Variants in DMD observed in about 807,000 individuals in gnomAD.
DMD encodes the protein dystrophin.
In DMD, 63 loss-of-function variants were observed where a neutral mutation model predicts 330.1. The observed-to-expected ratio is 0.19, with a 90% CI of 0.16 to 0.24. The LOEUF (loss-of-function observed/expected upper bound fraction) is 0.24, where lower values mean the gene tolerates loss of function less well. Ranked by LOEUF, DMD falls within the 10% of genes least tolerant of loss-of-function variation. The pLI is 1.00. For missense variants in DMD, 3,344 were observed against 2,684.1 expected (o/e 1.25, Z -5.43); for synonymous variants, 1,223 against 959.8 (o/e 1.27, Z -5.07).
At chrX:31,364,923 G>A (rs1404695758) in intron 60 of DMD, among the ~76,000 whole-genome samples, 1 of 109,450 alleles carries the variant, frequency 9.1e-6, no homozygotes, top group Non-Finnish European at 1.9e-5. Context: ...GTGAAACCCC[G>A]TCTGTACTAA....
chrX:32,983,217 TC>T (rs2092750900), intron 2 of DMD, among the ~76,000 whole-genome samples: 1 of 110,677 alleles, frequency 9.0e-6, no homozygotes, highest in Non-Finnish European at 1.9e-5. Flanking sequence ...TCCTAGTGAC[TC>T]CCCTAGAGAA....
chrX:31,814,429 G>A (rs1282443424), intron 50 of DMD, among the ~76,000 whole-genome samples: 1 of 88,877 alleles, frequency 1.1e-5, no homozygotes, highest in East Asian at 4.0e-4. Context: ...CTTGCAGTGA[G>A]CCGAGATCGC....
intron 1 of DMD, among the ~76,000 whole-genome samples, chrX:33,285,169 T>C (rs1337189833): frequency 2.7e-5 from 3 of 111,821 alleles, no homozygotes; most frequent in Non-Finnish European, 5.6e-5. Context: ...TCAATTACCT[T>C]TTTTCTCAAC....
At chrX:32,931,057 T>C (rs2089547180) in intron 2 of DMD, among the ~76,000 whole-genome samples, 2 of 108,483 alleles carry the variant, frequency 1.8e-5, no homozygotes, top group African/African-American at 3.3e-5. Context: ...TTCATATATG[T>C]TAAATTATGC....
intron 2 of DMD, among the ~76,000 whole-genome samples, chrX:32,894,135 A>G (rs1456686641): frequency 1.8e-5 from 2 of 112,094 alleles, no homozygotes; most frequent in East Asian, 5.6e-4. Context: ...AAAACCATTA[A>G]GTTGGAGGTA....
intron 1 of DMD, among the ~76,000 whole-genome samples, chrX:33,093,020 C>T (rs2095106554): frequency 9.0e-6 from 1 of 110,709 alleles, no homozygotes; most frequent in Non-Finnish European, 1.9e-5. Context: ...ATTATAGGTG[C>T]CCGCCACCAC....
In DMD at chrX:31,810,681, T is replaced by C. The variant is rs189140670; in HGVS notation, c.7309+9294A>G. Among the ~76,000 whole-genome samples, 302 of 112,471 alleles carry C rather than the reference T, an allele frequency of 2.7e-3. 1 individual carries two copies. The highest frequency in any genetic ancestry group is 3.6e-3 in the Non-Finnish European group (194 of 53,282). The stretch of plus-strand genomic sequence containing the variant: ...ATCGACAATTGAAGTACAAAACTGC[T>C]ACAATTTCCTTTCGAAATCTTGTTT... On this transcript the variant is annotated intron_variant, in intron 50 of 78. Transcript: ENST00000357033.
intron 2 of DMD, among the ~76,000 whole-genome samples, chrX:32,888,905 G>A (rs1000934256): frequency 9.1e-6 from 1 of 110,365 alleles, no homozygotes; most frequent in Non-Finnish European, 1.9e-5. Flanking sequence ...TCAAGTCCAG[G>A]CACGGAAAAT....
At chrX:31,657,182 G>A (rs1450712634) in intron 54 of DMD, among the ~76,000 whole-genome samples, 1 of 111,071 alleles carries the variant, frequency 9.0e-6, no homozygotes, top group Non-Finnish European at 1.9e-5. Flanking sequence ...TTGTACAGGT[G>A]CTATTTTTTC....
chrX:32,613,450 T>A (rs1181557025), intron 12 of DMD, among the ~76,000 whole-genome samples: 2 of 110,252 alleles, frequency 1.8e-5, no homozygotes, highest in African/African-American at 6.6e-5. Context: ...CAAAAAAAAA[T>A]GCTTTCTGGC....
rs184989742 is a variant in DMD, at chrX:32,271,938, T to G, written c.6290+15591A>C. Among the ~76,000 whole-genome samples, 36 of 111,884 alleles carry G rather than the reference T, an allele frequency of 3.2e-4. No homozygotes were observed. The East Asian group carries it at 0.01, about 32-fold the overall frequency. On this transcript the variant is annotated intron_variant, in intron 43 of 78. Transcript: ENST00000357033. ...ACCAAAGAGTTTCTCAAGAAACTTA[T>G]TCATTCTAGAATATTACAGCTTTTG...
intron 1 of DMD, among the ~76,000 whole-genome samples, chrX:33,229,108 G>C (rs2052343537): frequency 9.0e-6 from 1 of 110,595 alleles, no homozygotes; most frequent in African/African-American, 3.3e-5. Flanking sequence ...TTCGTATATA[G>C]TCCCTGTTTT....
chrX:31,641,241 C>A (rs1416701779), intron 54 of DMD, among the ~76,000 whole-genome samples: 1 of 111,555 alleles, frequency 9.0e-6, no homozygotes, highest in African/African-American at 3.3e-5. Flanking sequence ...GTGGCTCACG[C>A]CTGTAATCCC....
chrX:32,809,919 CAAAAAAAAAAAAAAAA>C (rs55898363), intron 6 of DMD, among the ~76,000 whole-genome samples: 8 of 28,655 alleles, frequency 2.8e-4, no homozygotes, highest in African/African-American at 9.4e-4. Flanking sequence ...TTGTTTCTAC[CAAAAAAAAAAAAAAAA>C]AAAAAAAAAA....
rs749098222 is a variant in DMD at position 32,847,317 on chromosome X, T to G, written c.186+2411A>C. Among the ~76,000 whole-genome samples, 231 of 111,964 alleles carry G rather than the reference T, an allele frequency of 2.1e-3. 1 individual carries two copies. Among genetic ancestry groups the G allele is most frequent in the Middle Eastern group, 4.7e-3 (1 of 214 alleles). ...AAAGCTGCAGTTTCTGATCCTGAAG[T>G]GGGAACTTAAAATCTGCCCCTATTA... is the stretch of plus-strand genomic sequence containing the variant. On this transcript the variant is annotated intron_variant, in intron 3 of 78. Coordinates refer to ENST00000357033, the MANE Select transcript of DMD (RefSeq NM_004006.3).
At chrX:32,402,640 A>T (rs2098092598) in intron 30 of DMD, among the ~76,000 whole-genome samples, 1 of 111,560 alleles carries the variant, frequency 9.0e-6, no homozygotes, top group Non-Finnish European at 1.9e-5. Flanking sequence ...ATCCTTAAAA[A>T]CTAGGTAATA....
At chrX:32,892,463 G>A (rs1034752302) in intron 2 of DMD, among the ~76,000 whole-genome samples, 19 of 111,723 alleles carry the variant, frequency 1.7e-4, no homozygotes, top group African/African-American at 5.2e-4. Context: ...GTGCGATCTC[G>A]GCTCACTGCA....
chrX:31,819,999 G>C lies in DMD; in HGVS notation c.7285C>G (p.Pro2429Ala). 8.3e-7 allele frequency: 1 copy of C among 1,211,299 alleles called. No individual in the cohort carries two copies. Among genetic ancestry groups the C allele is most frequent in the African/African-American group, 1.7e-5 (1 of 57,835 alleles). ...CAGGCTCCAATAGTGGTCAGTCCAG[G>C]AGCTAGGTCAGGCTGCTTTGCCCTC... is the stretch of plus-strand genomic sequence containing the variant. ...ELRAKQPDLAPGLTTIGASPT... is the reference protein window; with the variant it reads ...ELRAKQPDLAAGLTTIGASPT... The change falls in exon 50 of 79, where the codon CCT (proline) becomes GCT (alanine). Residue 2429 changes from proline to alanine, a missense_variant. Pro to Ala is a conservative substitution (Grantham distance 27, BLOSUM62 -1). Coordinates refer to ENST00000357033, the MANE Select transcript of DMD (RefSeq NM_004006.3).
At chrX:32,975,346 C>CTTTTTTT (rs35180404) in intron 2 of DMD, among the ~76,000 whole-genome samples, 2 of 64,770 alleles carry the variant, frequency 3.1e-5, no homozygotes, top group African/African-American at 6.2e-5. Context: ...TTAAAAAATG[C>CTTTTTTT]TTTTTTTTTT....
Sources: allele counts gnomAD v4.1 joint callset (sites outside exome capture counted in the v4.1 genomes callset), GRCh38; gene constraint gnomAD v4.1.1; transcripts MANE v1.5; gene names NCBI Gene and HGNC (gene_info 2026-07-23, HGNC 2026-07-21).